The following ABLIM2 variants were observed in gnomAD, a reference collection of about 807,000 sequenced individuals.
ABLIM2 encodes the protein actin binding LIM protein family member 2, also known as actin-binding LIM protein 2.
A neutral mutation model predicts 97.7 loss-of-function variants in ABLIM2; 53 were observed. The ratio of observed to expected loss-of-function variants is 0.54; its 90% CI spans 0.44 to 0.68. The LOEUF (loss-of-function observed/expected upper bound fraction) is 0.68, where lower values mean the gene tolerates loss of function less well. ABLIM2 is among the 30% of genes least tolerant of loss of function. ABLIM2 has a pLI of 0.00. For synonymous variants in ABLIM2, 361 were observed against 345.8 expected (o/e 1.04, Z -0.49); for missense variants, 835 against 867.2 (o/e 0.96, Z 0.47).
Position 7,992,034 on chromosome 4 carries a change from T to G in ABLIM2, c.1680+832A>C, listed in dbSNP as rs562359675. On this transcript the variant is annotated intron_variant, in intron 17 of 20. Coordinates refer to ENST00000447017, the MANE Select transcript of ABLIM2 (RefSeq NM_001130083.2). This position sits in a 1 kb window ranked among gnomAD's most constrained non-coding sequence, Gnocchi z 5.7. ...TCTATTTATGAACAAATTTCCAGAC[T>G]GGGACGAGGCTGCCTTGCGCAATGG... Among the ~76,000 whole-genome samples, 1 of 152,260 alleles carries G rather than the reference T, an allele frequency of 6.6e-6. No individual in the cohort carries two copies. Among genetic ancestry groups the G allele is most frequent in the African/African-American group, 2.4e-5 (1 of 41,554 alleles).
At chr4:8,107,813 C>G (rs193149086) in intron 1 of ABLIM2, among the ~76,000 whole-genome samples, 1 of 152,162 alleles carries the variant, frequency 6.6e-6, no homozygotes, top group Non-Finnish European at 1.5e-5. Context: ...ATGTGATCGT[C>G]TAGCTGAGCC....
intron 6 of ABLIM2, among the ~76,000 whole-genome samples, chr4:8,062,095 C>T (rs895945316): frequency 6.6e-6 from 1 of 152,214 alleles, no homozygotes; most frequent in African/African-American, 2.4e-5. Flanking sequence ...CCAGCTGTCC[C>T]CTCCACTGGA....
At chr4:7,985,461 C>T (rs1024846369) in intron 17 of ABLIM2, among the ~76,000 whole-genome samples, 7 of 152,206 alleles carry the variant, frequency 4.6e-5, no homozygotes, top group South Asian at 4.1e-4. Flanking sequence ...GCACTGTGCA[C>T]GGTTGTGGAA....
chr4:8,059,240 A>G (rs1438595946), intron 7 of ABLIM2, among the ~76,000 whole-genome samples: 3 of 152,060 alleles, frequency 2.0e-5, no homozygotes, highest in Non-Finnish European at 4.4e-5. Flanking sequence ...CCCAAACAGG[A>G]CTAGCAGGCC....
In ABLIM2 at chr4:8,123,225, C is replaced by G. The variant is rs765861887; in HGVS notation, c.11-16588G>C. ...CTTACTTGGGGTCTCTAATCCCTGC[C>G]TGGCCCTCCCCTGTGCAGGCATGGT... On this transcript the variant is annotated intron_variant, in intron 1 of 20. Transcript: ENST00000447017. The surrounding 1 kb of genome is among the most constrained non-coding windows in gnomAD (Gnocchi z 6.2). 1.3e-5 allele frequency among the ~76,000 whole-genome samples: 2 copies of G among 152,218 alleles called. No homozygotes were observed. The highest frequency in any genetic ancestry group is 2.9e-5 in the Non-Finnish European group (2 of 68,044).
At chr4:7,991,105 G>T (rs941720770) in intron 17 of ABLIM2, among the ~76,000 whole-genome samples, 1 of 152,228 alleles carries the variant, frequency 6.6e-6, no homozygotes, top group African/African-American at 2.4e-5. Flanking sequence ...TTGAGGTTCT[G>T]CTCTCAATAG....
At chr4:8,151,167 T>C (rs999000050) in intron 1 of ABLIM2, among the ~76,000 whole-genome samples, 2 of 152,148 alleles carry the variant, frequency 1.3e-5, no homozygotes, top group Non-Finnish European at 2.9e-5. Flanking sequence ...AGCCCAGGTG[T>C]GCCCAGCCCC....
intron 20 of ABLIM2, among the ~76,000 whole-genome samples, chr4:7,981,564 C>T (rs886376757): frequency 6.6e-6 from 1 of 152,174 alleles, no homozygotes; most frequent in African/African-American, 2.4e-5. Context: ...ATGTATTTTA[C>T]AGTTTGACAC....
At chr4:8,038,732 G>A (rs550871101) in intron 9 of ABLIM2, among the ~76,000 whole-genome samples, 1 of 152,276 alleles carries the variant, frequency 6.6e-6, no homozygotes, top group South Asian at 2.1e-4. Context: ...GGAGCCTGGG[G>A]CAGGGTTCAA....
At chr4:7,988,314 C>T (rs141893191) in intron 17 of ABLIM2, among the ~76,000 whole-genome samples, 3 of 152,336 alleles carry the variant, frequency 2.0e-5, no homozygotes, top group African/African-American at 4.8e-5. Flanking sequence ...TGAACCACCA[C>T]GCCCGGCCTG....
chr4:7,990,637 G>A (rs1316684507), intron 17 of ABLIM2, among the ~76,000 whole-genome samples: 2 of 152,118 alleles, frequency 1.3e-5, no homozygotes, highest in African/African-American at 4.8e-5. Context: ...GGAAGTAAAG[G>A]CAAATCAAGA....
At chr4:8,136,262 T>C (rs1028737167) in intron 1 of ABLIM2, among the ~76,000 whole-genome samples, 3 of 151,866 alleles carry the variant, frequency 2.0e-5, no homozygotes, top group Admixed American at 6.6e-5. Flanking sequence ...AGATGGAAAG[T>C]AGAAGGGTGG....
chr4:8,149,496 G>A lies in ABLIM2; in HGVS notation c.10+9184C>T, dbSNP rs1260897991. On this transcript the variant is annotated intron_variant, in intron 1 of 20. Coordinates refer to ENST00000447017, the MANE Select transcript of ABLIM2 (RefSeq NM_001130083.2). This position sits in a 1 kb window ranked among gnomAD's most constrained non-coding sequence, Gnocchi z 6.4. ...AACCCCAGCTTGGTCTGTGTCCACAGGTTCAGAGGAAGGAGGGAAGCAGAG... is the reference window on the plus strand; with the variant it reads ...AACCCCAGCTTGGTCTGTGTCCACAAGTTCAGAGGAAGGAGGGAAGCAGAG... Among the ~76,000 whole-genome samples, 1 of 151,896 alleles carries A rather than the reference G, an allele frequency of 6.6e-6. No individual in the cohort carries two copies.
intron 20 of ABLIM2, among the ~76,000 whole-genome samples, chr4:7,982,797 G>T (rs1035242504): frequency 6.6e-6 from 1 of 152,160 alleles, no homozygotes; most frequent in African/African-American, 2.4e-5. Flanking sequence ...TCTGCCTCCC[G>T]GGTTCAAGTG....
chr4:8,057,787 C>G (rs575464372), intron 7 of ABLIM2, among the ~76,000 whole-genome samples: 1 of 152,312 alleles, frequency 6.6e-6, no homozygotes, highest in African/African-American at 2.4e-5. Context: ...GTGGGGGTCG[C>G]TGGGGCCCAT....
At chr4:8,057,263 T>G (rs1799899169) in intron 7 of ABLIM2, among the ~76,000 whole-genome samples, 1 of 151,984 alleles carries the variant, frequency 6.6e-6, no homozygotes, top group Non-Finnish European at 1.5e-5. Flanking sequence ...CACACCCAGT[T>G]TTAGTAGAGA....
intron 20 of ABLIM2, among the ~76,000 whole-genome samples, chr4:7,975,437 G>A (rs957821345): frequency 6.6e-6 from 1 of 152,150 alleles, no homozygotes; most frequent in African/African-American, 2.4e-5. Context: ...ACACTCCTGC[G>A]TACTTATCCA....
At chr4:7,982,827 C>G (rs1012377195) in intron 20 of ABLIM2, among the ~76,000 whole-genome samples, 2 of 152,166 alleles carry the variant, frequency 1.3e-5, no homozygotes, top group African/African-American at 4.8e-5. Context: ...CCTTAGCATC[C>G]TGAGTAGCTG....
Position 8,004,954 on chromosome 4 carries a change from T to A in ABLIM2, c.1618+3105A>T, listed in dbSNP as rs531950986. Among the ~76,000 whole-genome samples the A allele has an allele frequency of 1.3e-5, 2 of 152,140 alleles. No individual in the cohort carries two copies. Among genetic ancestry groups the A allele is most frequent in the Non-Finnish European group, 2.9e-5 (2 of 68,024 alleles). ...TCCCGGGTTTGTCACCGCCATAAAG[T>A]CCTCTGGCTTCCCTGCTGGGGAACA... On this transcript the variant is annotated intron_variant, in intron 16 of 20. Transcript: ENST00000447017. The surrounding 1 kb of genome is among the most constrained non-coding windows in gnomAD (Gnocchi z 5.9).
Sources: gnomAD v4.1 joint callset for allele counts (sites outside exome capture counted in the v4.1 genomes callset) on GRCh38, gnomAD v4.1.1 for gene constraint, Gnocchi (gnomAD v3.1) non-coding constraint, MANE v1.5 for transcripts, NCBI Gene and HGNC (gene_info 2026-07-23, HGNC 2026-07-21) for gene names.